ERAP1: variants seen among roughly 807,000 people sequenced by gnomAD.
ERAP1 encodes the protein endoplasmic reticulum aminopeptidase 1.
A neutral mutation model predicts 103.7 loss-of-function variants in ERAP1; 86 were observed. The observed-to-expected ratio is 0.83, with a 90% CI of 0.70 to 0.99. The LOEUF (loss-of-function observed/expected upper bound fraction) is 0.99, where lower values mean the gene tolerates loss of function less well. Among genes scored for constraint, ERAP1 ranks in the 50% least tolerant of loss-of-function variants. The pLI, the probability that ERAP1 is intolerant of heterozygous loss-of-function variation, is 0.00. For missense variants in ERAP1, 1,009 were observed against 1,128.4 expected, an observed-to-expected ratio of 0.89 and a Z score of 1.52; for synonymous variants, 398 against 402.4, an observed-to-expected ratio of 0.99 and a Z score of 0.13.
In ERAP1 at chr5:96,776,462, A is replaced by T; in HGVS notation, c.2760T>A (p.Gly920=). 6.2e-7 allele frequency: 1 copy of T among 1,614,154 alleles called. No individual in the cohort carries two copies. The change falls in exon 19 of 19, where the codon GGT becomes GGA. Residue 920 remains glycine (G), a synonymous_variant. Coordinates refer to ENST00000443439, the MANE Select transcript of ERAP1 (RefSeq NM_001040458.3). ...TTTTATCAAAATTCTTATCCATCCA[A>T]CCGATGTTTTCTTCAATGGTTTCAA... ...QTIETIEENI[G]WMDKNFDKIR...
chr5:96,851,549 G>A, the ERAP1 span, among the ~76,000 whole-genome samples: 1 of 152,238 alleles, frequency 6.6e-6, no homozygotes, highest in African/African-American at 2.4e-5. Context: ...CTATTCTCTG[G>A]TTTCTTTCTT....
intron 18 of ERAP1, among the ~76,000 whole-genome samples, chr5:96,777,134 TAA>T (rs1337000895): frequency 6.6e-6 from 1 of 152,200 alleles, no homozygotes; most frequent in Non-Finnish European, 1.5e-5. Context: ...CCCATGATTT[TAA>T]AGAGATAAGA....
the ERAP1 span, among the ~76,000 whole-genome samples, chr5:96,894,769 C>A: frequency 3.3e-5 from 5 of 152,010 alleles, no homozygotes; most frequent in East Asian, 9.7e-4. Context: ...ACCTGAGAGC[C>A]CTAAATGAAT....
At chr5:96,773,208 G>A (rs1773090823), downstream of ERAP1, 1 of 153,676 alleles carries the variant, frequency 6.5e-6, no homozygotes. Context: ...TTAATAACAG[G>A]TAACCTGGAC....
At chr5:96,847,855 A>G in the ERAP1 span, among the ~76,000 whole-genome samples, 2 of 152,254 alleles carry the variant, frequency 1.3e-5, no homozygotes, top group Non-Finnish European at 2.9e-5. Context: ...ATTAAATGCC[A>G]ACACCAAAGA....
At chr5:96,879,473 C>G in the ERAP1 span, 1 of 483,848 alleles carries the variant, frequency 2.1e-6, no homozygotes, top group African/African-American at 1.9e-5. Flanking sequence ...CAGATTTTCC[C>G]TTACTCACAC....
chr5:96,928,067 A>G, the ERAP1 span, among the ~76,000 whole-genome samples: 1 of 152,050 alleles, frequency 6.6e-6, no homozygotes, highest in African/African-American at 2.4e-5. Context: ...CACCATACAC[A>G]GCTAATTTCT....
intron 18 of ERAP1, among the ~76,000 whole-genome samples, chr5:96,777,638 T>C (rs1413154008): frequency 3.3e-5 from 5 of 152,230 alleles, no homozygotes; most frequent in Non-Finnish European, 7.3e-5. Context: ...TACTGTTTCA[T>C]ACGCTCTCAG....
At position 96,783,181 on chromosome 5, in the gene ERAP1, CGTCT is replaced by C; in HGVS notation, c.2151_2154del (p.Asp718ArgfsTer43). 6.2e-7 allele frequency: 1 copy of C among 1,614,156 alleles called. No homozygotes were observed. The highest frequency in any genetic ancestry group is 8.5e-7 in the Non-Finnish European group (1 of 1,180,014). ...AGCATTCGCTCTGAGACTGAGCCCT[CGTCT>C]GTCCATGTCTGCTTATCAATGAGGT... On this transcript the variant is annotated frameshift_variant, in exon 15 of 19. Transcript: ENST00000443439. LOFTEE classifies it high-confidence loss of function.
the ERAP1 span, chr5:96,889,226 T>C: frequency 6.2e-7 from 1 of 1,614,140 alleles, no homozygotes; most frequent in Non-Finnish European, 8.5e-7. Flanking sequence ...ATCAAACACA[T>C]TATGCTTTGC....
downstream of ERAP1, chr5:96,773,972 T>G (rs1773371408): frequency 6.6e-6 from 1 of 152,072 alleles, no homozygotes; most frequent in Non-Finnish European, 1.5e-5. Flanking sequence ...CCCCAAATAC[T>G]CTCTGAAAGT....
At chr5:96,920,937 TA>T in the ERAP1 span, among the ~76,000 whole-genome samples, 2 of 152,244 alleles carry the variant, frequency 1.3e-5, no homozygotes, top group African/African-American at 4.8e-5. Flanking sequence ...AAAAGGGTGT[TA>T]ATTCACTTTC....
the ERAP1 span, chr5:96,903,421 G>A: frequency 6.2e-7 from 1 of 1,613,708 alleles, no homozygotes; most frequent in Non-Finnish European, 8.5e-7. Flanking sequence ...GAAATTTAAT[G>A]TGGACTCAAA....
At chr5:96,912,723 T>C in the ERAP1 span, 1 of 1,603,506 alleles carries the variant, frequency 6.2e-7, no homozygotes, top group Non-Finnish European at 8.5e-7. Flanking sequence ...CAATATGAAC[T>C]GTCAATGTCA....
At chr5:96,813,525 T>A in the ERAP1 span, among the ~76,000 whole-genome samples, 1 of 151,716 alleles carries the variant, frequency 6.6e-6, no homozygotes, top group Non-Finnish European at 1.5e-5. Flanking sequence ...TGGTGGTACG[T>A]GCCTGTAGTC....
chr5:96,905,177 TAGG>T, the ERAP1 span, among the ~76,000 whole-genome samples: 3 of 152,126 alleles, frequency 2.0e-5, no homozygotes, highest in South Asian at 2.1e-4. Flanking sequence ...ATGACATGAA[TAGG>T]AGGAGGAGAT....
chr5:96,915,989 A>G, the ERAP1 span: 2 of 359,294 alleles, frequency 5.6e-6, no homozygotes, highest in South Asian at 5.4e-5. Flanking sequence ...TTGGGAGGCC[A>G]AGGCAGGTAG....
At chr5:96,879,533 G>A in the ERAP1 span, 7 of 575,604 alleles carry the variant, frequency 1.2e-5, no homozygotes, top group African/African-American at 3.7e-5. Context: ...AATCTTTTTT[G>A]TCATGCTATA....
chr5:96,887,610 G>T, the ERAP1 span, among the ~76,000 whole-genome samples: 1 of 151,988 alleles, frequency 6.6e-6, no homozygotes, highest in Non-Finnish European at 1.5e-5. Flanking sequence ...GTTTCCAACT[G>T]TTTTTTATAA....
Sources: allele counts gnomAD v4.1 joint callset (sites outside exome capture counted in the v4.1 genomes callset), GRCh38; gene constraint gnomAD v4.1.1; transcripts MANE v1.5; gene names NCBI Gene and HGNC (gene_info 2026-07-23, HGNC 2026-07-21).